The following LYPD6B variants were observed in gnomAD, a reference collection of about 807,000 sequenced individuals.
The protein encoded by LYPD6B is LY6/PLAUR domain containing 6B.
Under a neutral mutation model 22.8 loss-of-function variants are expected in LYPD6B, and 17 were observed. The observed-to-expected ratio is 0.75, with a 90% CI of 0.51 to 1.12. LYPD6B has a LOEUF of 1.12. Among genes scored for constraint, LYPD6B ranks in the 50% most tolerant of loss-of-function variants. The pLI is 0.00. For synonymous variants in LYPD6B, 106 were observed against 91.6 expected (o/e 1.16, Z -0.90); for missense variants, 221 against 258.3 (o/e 0.86, Z 0.99).
chr2:149,085,821 C>T (rs1014737152), intron 1 of LYPD6B, among the ~76,000 whole-genome samples: 16 of 152,240 alleles, frequency 1.1e-4, no homozygotes, highest in East Asian at 3.9e-4. Flanking sequence ...TGATTTGAAG[C>T]GTTATCCTTT....
chr2:149,072,757 G>A (rs1034659796), intron 1 of LYPD6B, among the ~76,000 whole-genome samples: 5 of 151,806 alleles, frequency 3.3e-5, no homozygotes, highest in African/African-American at 1.2e-4. Context: ...GGCTGGTCTC[G>A]AACTCCTGAC....
In LYPD6B at chr2:149,054,592, G is replaced by A. The variant is rs535157935; in HGVS notation, c.-67+15791G>A. 3.3e-5 allele frequency among the ~76,000 whole-genome samples: 5 copies of A among 152,220 alleles called. No homozygotes were observed. In the South Asian group the frequency reaches 8.3e-4, roughly 25 times the overall value. On this transcript the variant is annotated intron_variant, in intron 1 of 6. Coordinates refer to ENST00000409642, the MANE Select transcript of LYPD6B (RefSeq NM_177964.5). ...TCTTTTGAAACATGAAACACGAAAG[G>A]TTTTAATTTTGACCAGTGCAGTGGC...
chr2:149,104,737 T>A (rs777391023), intron 1 of LYPD6B, among the ~76,000 whole-genome samples: 2 of 152,186 alleles, frequency 1.3e-5, no homozygotes, highest in Non-Finnish European at 2.9e-5. Flanking sequence ...TTATCAAAAT[T>A]TTTACTGGAT....
At chr2:149,183,863 G>GTATATA (rs34733336) in intron 3 of LYPD6B, among the ~76,000 whole-genome samples, 39 of 148,768 alleles carry the variant, frequency 2.6e-4, no homozygotes, top group African/African-American at 9.1e-4. Flanking sequence ...GTGTGTGTGT[G>GTATATA]TATATATATA....
At chr2:149,081,868 A>G (rs2105399108) in intron 1 of LYPD6B, among the ~76,000 whole-genome samples, 1 of 152,320 alleles carries the variant, frequency 6.6e-6, no homozygotes, top group African/African-American at 2.4e-5. Flanking sequence ...CTTTAGGTCA[A>G]CATTATATGA....
chr2:149,151,996 C>T (rs1689410045), intron 2 of LYPD6B, among the ~76,000 whole-genome samples: 1 of 152,104 alleles, frequency 6.6e-6, no homozygotes, highest in South Asian at 2.1e-4. Context: ...TAACTCTTTT[C>T]CCTCACTCTC....
chr2:149,158,005 G>A (rs1217436782), intron 2 of LYPD6B, among the ~76,000 whole-genome samples: 1 of 152,148 alleles, frequency 6.6e-6, no homozygotes, highest in Non-Finnish European at 1.5e-5. Flanking sequence ...AGGGGATATT[G>A]TAGTCTCGCT....
chr2:149,079,956 A>G (rs1685049626), intron 1 of LYPD6B, among the ~76,000 whole-genome samples: 2 of 152,170 alleles, frequency 1.3e-5, no homozygotes, highest in Admixed American at 1.3e-4. Flanking sequence ...AATCTGCTTT[A>G]TTTATCTGCA....
chr2:149,111,923 A>G (rs1686776193), intron 1 of LYPD6B, among the ~76,000 whole-genome samples: 1 of 152,190 alleles, frequency 6.6e-6, no homozygotes, highest in East Asian at 1.9e-4. Context: ...AAGTGTTTCA[A>G]GAAAGAGGAT....
chr2:149,190,936 T>C (rs1002555912), intron 3 of LYPD6B, among the ~76,000 whole-genome samples: 1 of 152,100 alleles, frequency 6.6e-6, no homozygotes, highest in African/African-American at 2.4e-5. Context: ...TTTTATACTT[T>C]CTGTGTTTTG....
At chr2:149,188,772 G>T (rs1194724903) in intron 3 of LYPD6B, 1 of 642,962 alleles carries the variant, frequency 1.6e-6, no homozygotes, top group Non-Finnish European at 1.9e-6. Context: ...TTTCATGTGG[G>T]TAGCTAGTAT....
chr2:149,073,176 T>C (rs922671461), intron 1 of LYPD6B, among the ~76,000 whole-genome samples: 5 of 152,194 alleles, frequency 3.3e-5, no homozygotes, highest in Admixed American at 3.3e-4. Context: ...GGCTGGCAGC[T>C]GTCACTGCTT....
rs555769857 is a variant in LYPD6B at position 149,059,839 on chromosome 2, G to A, written c.-67+21038G>A. On this transcript the variant is annotated intron_variant, in intron 1 of 6. Coordinates refer to ENST00000409642, the MANE Select transcript of LYPD6B (RefSeq NM_177964.5). ...GAGAACACTCAGAATAAAGCAGCCT[G>A]TGCACTTGCCTGGGGACAGGAAATG... is the stretch of plus-strand genomic sequence containing the variant. Among the ~76,000 whole-genome samples the A allele has an allele frequency of 3.3e-5, 5 of 152,338 alleles. No individual in the cohort carries two copies. The South Asian group carries it at 1.0e-3, about 32-fold the overall frequency.
At chr2:149,204,129 G>A (rs536961740) in intron 3 of LYPD6B, among the ~76,000 whole-genome samples, 2 of 152,264 alleles carry the variant, frequency 1.3e-5, no homozygotes, top group South Asian at 4.1e-4. Context: ...GTTCTTTTAT[G>A]TACACAATCC....
At chr2:149,182,127 T>C (rs1317630085) in intron 3 of LYPD6B, among the ~76,000 whole-genome samples, 1 of 152,250 alleles carries the variant, frequency 6.6e-6, no homozygotes, top group Non-Finnish European at 1.5e-5. Context: ...TGAATGCATT[T>C]CATCTAATTT....
At chr2:149,204,104 G>T (rs1258033263) in intron 3 of LYPD6B, among the ~76,000 whole-genome samples, 1 of 152,178 alleles carries the variant, frequency 6.6e-6, no homozygotes, top group Non-Finnish European at 1.5e-5. Flanking sequence ...TATTTTCACA[G>T]AACTTTTATG....
chr2:149,073,551 G>A (rs1248920341), intron 1 of LYPD6B, among the ~76,000 whole-genome samples: 1 of 152,140 alleles, frequency 6.6e-6, no homozygotes, highest in Non-Finnish European at 1.5e-5. Flanking sequence ...GTGTCCTGCA[G>A]CTGTTTGGGG....
chr2:149,196,822 T>A (rs536542177), intron 3 of LYPD6B, among the ~76,000 whole-genome samples: 202 of 152,368 alleles, frequency 1.3e-3, no homozygotes, highest in Non-Finnish European at 2.5e-3. Context: ...TTTTTCTATG[T>A]CAGCTGAGGC....
chr2:149,125,244 A>AGG, intron 1 of LYPD6B, among the ~76,000 whole-genome samples: 1 of 152,274 alleles, frequency 6.6e-6, no homozygotes, highest in East Asian at 1.9e-4. Flanking sequence ...CCAAAGTCAA[A>AGG]CAACGCCTGG....
Sources: allele counts gnomAD v4.1 joint callset (sites outside exome capture counted in the v4.1 genomes callset), GRCh38; gene constraint gnomAD v4.1.1; transcripts MANE v1.5; gene names NCBI Gene and HGNC (gene_info 2026-07-23, HGNC 2026-07-21).